Variants in SH3GL3 observed in about 807,000 individuals in gnomAD.
SH3GL3 encodes the protein endophilin-A3.
In SH3GL3, 33 loss-of-function variants were observed where a neutral mutation model predicts 47.7. The ratio of observed to expected loss-of-function variants is 0.69; its 90% CI spans 0.52 to 0.92. SH3GL3 has a LOEUF of 0.92. Among genes scored for constraint, SH3GL3 ranks in the 40% least tolerant of loss-of-function variants. The pLI is 0.00. For missense variants in SH3GL3, 363 were observed against 417.8 expected, an observed-to-expected ratio of 0.87 and a Z score of 1.14; for synonymous variants, 155 against 148.8, an observed-to-expected ratio of 1.04 and a Z score of -0.30.
At chr15:83,531,579 A>G (rs1188796448) in intron 1 of SH3GL3, among the ~76,000 whole-genome samples, 1 of 152,174 alleles carries the variant, frequency 6.6e-6, no homozygotes, top group Non-Finnish European at 1.5e-5. Flanking sequence ...TGTGTTGAGT[A>G]TGGATTTTAT....
the SH3GL3 span, among the ~76,000 whole-genome samples, chr15:83,626,060 G>T: frequency 6.6e-6 from 1 of 152,330 alleles, no homozygotes; most frequent in Non-Finnish European, 1.5e-5. Context: ...TTGAACTCCT[G>T]ACCTCAGGTG....
chr15:83,558,832 G>A (rs1206728060), intron 1 of SH3GL3, among the ~76,000 whole-genome samples: 2 of 152,170 alleles, frequency 1.3e-5, no homozygotes. Flanking sequence ...AGTCCATTCT[G>A]TGCATCACTG....
chr15:83,478,084 A>T (rs1020386308), intron 1 of SH3GL3, among the ~76,000 whole-genome samples: 1 of 152,068 alleles, frequency 6.6e-6, no homozygotes, highest in Non-Finnish European at 1.5e-5. Context: ...CAGGGAATGA[A>T]CAGACAGTGA....
intron 8 of SH3GL3, among the ~76,000 whole-genome samples, chr15:83,613,564 C>G (rs1418389954): frequency 6.6e-6 from 1 of 152,136 alleles, no homozygotes; most frequent in Non-Finnish European, 1.5e-5. Context: ...ATGCTTGCCA[C>G]TAAGCATTTT....
At chr15:83,464,108 T>G (rs1022092696) in intron 1 of SH3GL3, among the ~76,000 whole-genome samples, 13 of 152,270 alleles carry the variant, frequency 8.5e-5, no homozygotes, top group African/African-American at 3.1e-4. Context: ...AAATTGGCTT[T>G]CTTTTCTTGT....
At chr15:83,486,879 C>T (rs1017182132) in intron 1 of SH3GL3, among the ~76,000 whole-genome samples, 11 of 152,162 alleles carry the variant, frequency 7.2e-5, no homozygotes, top group Non-Finnish European at 8.8e-5. Flanking sequence ...CTCCCTGTGT[C>T]TTCACATGGC....
intron 1 of SH3GL3, among the ~76,000 whole-genome samples, chr15:83,469,807 A>G (rs2040747414): frequency 6.6e-6 from 1 of 152,218 alleles, no homozygotes. Flanking sequence ...GAGTGTTCCA[A>G]ATAAATTATC....
intron 1 of SH3GL3, among the ~76,000 whole-genome samples, chr15:83,528,481 T>C (rs180733338): frequency 2.6e-5 from 4 of 152,340 alleles, no homozygotes; most frequent in African/African-American, 9.6e-5. Context: ...GTAGGCTTTG[T>C]TGATTCTTAT....
intron 1 of SH3GL3, among the ~76,000 whole-genome samples, chr15:83,499,284 T>A (rs1229886052): frequency 6.6e-6 from 1 of 151,996 alleles, no homozygotes; most frequent in Non-Finnish European, 1.5e-5. Flanking sequence ...GTAAAACTGA[T>A]TCTACATTAA....
the SH3GL3 span, among the ~76,000 whole-genome samples, chr15:83,630,105 G>C: frequency 1.3e-5 from 2 of 152,166 alleles, no homozygotes; most frequent in South Asian, 4.1e-4. Flanking sequence ...ACTCTGGCCT[G>C]CCACCATGTA....
chr15:83,511,476 A>G (rs1172854136), intron 1 of SH3GL3, among the ~76,000 whole-genome samples: 1 of 152,252 alleles, frequency 6.6e-6, no homozygotes, highest in Non-Finnish European at 1.5e-5. Context: ...TGTTCTTCCT[A>G]TAATTTTAGT....
chr15:83,505,419 C>T (rs1013547482), intron 1 of SH3GL3, among the ~76,000 whole-genome samples: 7 of 151,708 alleles, frequency 4.6e-5, no homozygotes, highest in African/African-American at 1.7e-4. Context: ...TTTTGCCCAT[C>T]TGGTGAGTAT....
chr15:83,623,176 A>G (rs770850324), downstream of SH3GL3, among the ~76,000 whole-genome samples: 3 of 152,220 alleles, frequency 2.0e-5, no homozygotes, highest in Non-Finnish European at 4.4e-5. Flanking sequence ...GATACCACCA[A>G]ACCTTAACCC....
rs538352065 is a variant in SH3GL3 at position 83,602,412 on chromosome 15, G to A, written c.838+13641G>A. Among the ~76,000 whole-genome samples the A allele has an allele frequency of 1.4e-4, 22 of 152,262 alleles. No homozygotes were observed. In the Middle Eastern group the frequency reaches 0.017, roughly 118 times the overall value. ...TAAAATCAAGGTGCCAGCAGAACTG[G>A]TGCCTGGTAGAGGCCATTCCTCATA... is the stretch of plus-strand genomic sequence containing the variant. On this transcript the variant is annotated intron_variant, in intron 8 of 8. Coordinates refer to ENST00000427482, the MANE Select transcript of SH3GL3 (RefSeq NM_003027.5).
At chr15:83,457,466 A>T (rs770979344) in intron 1 of SH3GL3, among the ~76,000 whole-genome samples, 17 of 152,232 alleles carry the variant, frequency 1.1e-4, no homozygotes, top group Non-Finnish European at 2.2e-4. Flanking sequence ...ATTAGCCAGA[A>T]AAATGATAAG....
At chr15:83,631,093 T>G in the SH3GL3 span, among the ~76,000 whole-genome samples, 1 of 152,102 alleles carries the variant, frequency 6.6e-6, no homozygotes, top group African/African-American at 2.4e-5. Flanking sequence ...CCCATGCAAG[T>G]CCAAAATCCA....
chr15:83,629,577 T>C, the SH3GL3 span, among the ~76,000 whole-genome samples: 1 of 152,308 alleles, frequency 6.6e-6, no homozygotes, highest in East Asian at 1.9e-4. Flanking sequence ...CCCAGCACTT[T>C]GGGAGTCCAA....
intron 1 of SH3GL3, among the ~76,000 whole-genome samples, chr15:83,463,831 C>T (rs986822276): frequency 5.4e-5 from 8 of 147,774 alleles, no homozygotes; most frequent in South Asian, 2.2e-4. Context: ...TGCAGTGGCA[C>T]GATATTGGCT....
At chr15:83,600,953 A>G (rs939950804) in intron 8 of SH3GL3, among the ~76,000 whole-genome samples, 2 of 152,102 alleles carry the variant, frequency 1.3e-5, no homozygotes, top group Admixed American at 6.5e-5. Context: ...TGCAGCTATT[A>G]TAAAAGGGGT....
Sources: gnomAD v4.1 joint callset for allele counts (sites outside exome capture counted in the v4.1 genomes callset) on GRCh38, gnomAD v4.1.1 for gene constraint, MANE v1.5 for transcripts, NCBI Gene and HGNC (gene_info 2026-07-23, HGNC 2026-07-21) for gene names.